The following C8orf34 variants were observed in gnomAD, a reference collection of about 807,000 sequenced individuals.
C8orf34 encodes the protein chromosome 8 open reading frame 34, also known as uncharacterized protein C8orf34.
In C8orf34, 65 loss-of-function variants were observed where a neutral mutation model predicts 68.3. That is an observed-to-expected ratio of 0.95 (90% CI 0.78 to 1.17). C8orf34 has a LOEUF of 1.17. Among genes scored for constraint, C8orf34 ranks in the 50% most tolerant of loss-of-function variants. The pLI is 0.00. For missense variants in C8orf34, 664 were observed against 655.4 expected, an observed-to-expected ratio of 1.01 and a Z score of -0.14; for synonymous variants, 244 against 241.2, an observed-to-expected ratio of 1.01 and a Z score of -0.11.
At chr8:68,377,599 T>A (rs1407162384) in intron 1 of C8orf34, among the ~76,000 whole-genome samples, 1 of 152,108 alleles carries the variant, frequency 6.6e-6, no homozygotes, top group East Asian at 1.9e-4. Context: ...TTGGACAATA[T>A]CCTATATTAA....
chr8:68,539,619 A>C (rs1488999210), intron 7 of C8orf34, among the ~76,000 whole-genome samples: 1 of 152,204 alleles, frequency 6.6e-6, no homozygotes, highest in Admixed American at 6.5e-5. Context: ...TGGGAGGCCG[A>C]GGCAGGTGGA....
rs60314331 is a variant in C8orf34, at chr8:68,813,992, G to A, written c.1550-1894G>A. 3.0e-3 allele frequency among the ~76,000 whole-genome samples: 460 copies of A among 152,234 alleles called. 1 individual carries two copies. Among genetic ancestry groups the A allele is most frequent in the African/African-American group, 0.011 (440 of 41,530 alleles). The stretch of plus-strand genomic sequence containing the variant: ...CTAAAGTCTTACATTACTGTAATCT[G>A]CTATCTGTCACAAACCTCCTTCCCT... On this transcript the variant is annotated intron_variant, in intron 12 of 13. Transcript: ENST00000518698.
At chr8:68,477,049 A>G (rs1359206870) in intron 4 of C8orf34, among the ~76,000 whole-genome samples, 2 of 152,192 alleles carry the variant, frequency 1.3e-5, no homozygotes, top group Non-Finnish European at 2.9e-5. Context: ...GGAAGTTGCC[A>G]TGTCAGCTGG....
At chr8:68,777,077 G>A (rs1050162897) in intron 11 of C8orf34, among the ~76,000 whole-genome samples, 19 of 152,210 alleles carry the variant, frequency 1.2e-4, no homozygotes, top group African/African-American at 2.9e-4. Flanking sequence ...CCAGACCACC[G>A]TGGCCACTAA....
At chr8:68,720,280 C>A (rs1212251946) in intron 9 of C8orf34, among the ~76,000 whole-genome samples, 2 of 151,840 alleles carry the variant, frequency 1.3e-5, no homozygotes, top group Admixed American at 6.6e-5. Flanking sequence ...AATTTAGAAA[C>A]TTGTCTTCTT....
intron 7 of C8orf34, among the ~76,000 whole-genome samples, chr8:68,552,222 A>G (rs1816097187): frequency 6.6e-6 from 1 of 152,184 alleles, no homozygotes; most frequent in Non-Finnish European, 1.5e-5. Context: ...TTTTAGAGTC[A>G]ACTTAACTTC....
At chr8:68,528,713 C>A (rs1169758833) in intron 6 of C8orf34, among the ~76,000 whole-genome samples, 1 of 152,220 alleles carries the variant, frequency 6.6e-6, no homozygotes, top group African/African-American at 2.4e-5. Flanking sequence ...CTCTGCCATT[C>A]ACATATTCAC....
chr8:68,527,223 G>A (rs145024063), intron 6 of C8orf34, among the ~76,000 whole-genome samples: 1 of 152,066 alleles, frequency 6.6e-6, no homozygotes, highest in Non-Finnish European at 1.5e-5. Flanking sequence ...TTACCACTTA[G>A]AGGCTGCTCT....
chr8:68,434,517 T>C (rs1013115258), intron 1 of C8orf34, among the ~76,000 whole-genome samples: 3 of 152,216 alleles, frequency 2.0e-5, no homozygotes, highest in African/African-American at 7.2e-5. Context: ...TTCCATGGTA[T>C]GTGCCATATT....
chr8:68,352,759 G>A (rs568043393), intron 1 of C8orf34, among the ~76,000 whole-genome samples: 2 of 152,216 alleles, frequency 1.3e-5, no homozygotes, highest in Admixed American at 1.3e-4. Context: ...TTGTAGGAAT[G>A]TATTTTAGAG....
At chr8:68,384,620 G>T (rs1479540098) in intron 1 of C8orf34, among the ~76,000 whole-genome samples, 1 of 152,218 alleles carries the variant, frequency 6.6e-6, no homozygotes, top group Non-Finnish European at 1.5e-5. Flanking sequence ...TAAGGGCATG[G>T]TTTGCCCTCT....
chr8:68,487,935 C>A, intron 4 of C8orf34, 88 bp from the exon 5 acceptor site: 1 of 859,026 alleles, frequency 1.2e-6, no homozygotes, highest in Non-Finnish European at 1.9e-6. Flanking sequence ...AAATGCACTA[C>A]TTTTACAAAT....
chr8:68,615,994 A>C (rs137890912), intron 7 of C8orf34, among the ~76,000 whole-genome samples: 42,001 of 147,810 alleles, frequency 0.28, 7,651 homozygotes, highest in African/African-American at 0.54. Context: ...TTCAGAGATT[A>C]AACTTCTTCC....
At chr8:68,335,345 A>G (rs1005320695) in intron 1 of C8orf34, among the ~76,000 whole-genome samples, 9 of 152,262 alleles carry the variant, frequency 5.9e-5, no homozygotes, top group African/African-American at 2.2e-4. Flanking sequence ...GTAATAAAAT[A>G]TAAGCTTGGT....
At chr8:68,439,417 C>A in intron 1 of C8orf34, 82 bp from the exon 2 acceptor site, 1 of 1,350,624 alleles carries the variant, frequency 7.4e-7, no homozygotes, top group Non-Finnish European at 1.0e-6. Context: ...CAGTACCTGA[C>A]AATATTACAT....
chr8:68,685,233 C>T (rs1354694283), intron 8 of C8orf34, among the ~76,000 whole-genome samples: 1 of 152,040 alleles, frequency 6.6e-6, no homozygotes, highest in Non-Finnish European at 1.5e-5. Flanking sequence ...TTCATTATCT[C>T]TTTAGACAAG....
At chr8:68,492,600 C>CT (rs1409056789) in intron 5 of C8orf34, among the ~76,000 whole-genome samples, 5 of 152,118 alleles carry the variant, frequency 3.3e-5, no homozygotes, top group Non-Finnish European at 7.4e-5. Context: ...TGATTTCCTT[C>CT]TTTTTTCCAT....
chr8:68,633,333 C>A (rs1196304094), intron 7 of C8orf34, among the ~76,000 whole-genome samples: 1 of 152,130 alleles, frequency 6.6e-6, no homozygotes, highest in African/African-American at 2.4e-5. Flanking sequence ...CTGGCATTTT[C>A]CCCCCAACCT....
rs71253080 is a variant in C8orf34 at position 68,343,593 on chromosome 8, AT to A, written c.327+12272del. Among the ~76,000 whole-genome samples the A allele has an allele frequency of 6.2e-3, 849 of 137,238 alleles. 2 individuals are homozygous for A. The highest frequency in any genetic ancestry group is 0.016 in the Middle Eastern group (4 of 250). The allele number at this position is 137,238 out of a possible 152,430, so 90.0% of individuals were successfully genotyped here. On this transcript the variant is annotated intron_variant, in intron 1 of 13. Coordinates refer to ENST00000518698, the MANE Select transcript of C8orf34 (RefSeq NM_052958.4). The stretch of plus-strand genomic sequence containing the variant: ...GCAGATGATGCTGTATGCCTAGCTA[AT>A]TTTTTTTTTTTTTTTTTAAGACAGA...
Sources: gnomAD v4.1 joint callset for allele counts (sites outside exome capture counted in the v4.1 genomes callset) on GRCh38, gnomAD v4.1.1 for gene constraint, MANE v1.5 for transcripts, NCBI Gene and HGNC (gene_info 2026-07-23, HGNC 2026-07-21) for gene names.